Variants in SLCO1B3 observed in about 807,000 individuals in gnomAD.
The protein encoded by SLCO1B3 is liver-specific organic anion transporter 2.
SLCO1B3 carries 72 observed loss-of-function variants against 71.8 expected under a neutral mutation model. The ratio of observed to expected loss-of-function variants is 1.00; its 90% CI spans 0.83 to 1.22. The LOEUF is 1.22. Ranked by LOEUF, SLCO1B3 falls within the 50% of genes most tolerant of loss-of-function variation. SLCO1B3 has a pLI of 0.00. For synonymous variants in SLCO1B3, 298 were observed against 278.4 expected (o/e 1.07, Z -0.70); for missense variants, 911 against 819.7 (o/e 1.11, Z -1.36).
intron 3 of SLCO1B3, among the ~76,000 whole-genome samples, chr12:20,852,890 C>G (rs1366974385): frequency 6.6e-6 from 1 of 151,868 alleles, no homozygotes; most frequent in East Asian, 1.9e-4. Context: ...ATTTCTTTTC[C>G]AATCTGAATG....
intron 8 of SLCO1B3, among the ~76,000 whole-genome samples, chr12:20,870,066 T>C (rs1266025735): frequency 2.6e-5 from 4 of 152,200 alleles, no homozygotes; most frequent in African/African-American, 9.6e-5. Context: ...GCTTTTGATT[T>C]GCATTATTAT....
At chr12:20,883,721 G>A in intron 13 of SLCO1B3, 119 bp downstream of exon 13, 1 of 641,490 alleles carries the variant, frequency 1.6e-6, no homozygotes, top group Non-Finnish European at 2.6e-6. Flanking sequence ...AATTCTTTGA[G>A]AATGCATTTT....
At chr12:20,810,928 C>T (rs1864099842) in intron 1 of SLCO1B3, among the ~76,000 whole-genome samples, 164 bp downstream of exon 1, 1 of 152,024 alleles carries the variant, frequency 6.6e-6, no homozygotes, top group African/African-American at 2.4e-5. Flanking sequence ...TGTAAATATC[C>T]CTTCTAGAAA....
At chr12:20,906,827 T>C (rs976236920) in intron 15 of SLCO1B3, among the ~76,000 whole-genome samples, 2 of 152,148 alleles carry the variant, frequency 1.3e-5, no homozygotes, top group Non-Finnish European at 1.5e-5. Context: ...ACCCAGATTG[T>C]CAACAATCAA....
chr12:20,908,514 ATCT>A (rs146892461), intron 15 of SLCO1B3, among the ~76,000 whole-genome samples: 2,474 of 152,324 alleles, frequency 0.016, 64 homozygotes, highest in African/African-American at 0.056. Flanking sequence ...TGCCCTAAAA[ATCT>A]TCTGTGCTCT....
At chr12:20,854,866 A>G (rs1215779822) in intron 3 of SLCO1B3, among the ~76,000 whole-genome samples, 162 bp from the exon 4 acceptor site, 2 of 152,206 alleles carry the variant, frequency 1.3e-5, no homozygotes, top group Non-Finnish European at 2.9e-5. Context: ...TGATGATAGT[A>G]TTATAGGGCT....
At chr12:20,866,439 A>G (rs778205779) in intron 8 of SLCO1B3, among the ~76,000 whole-genome samples, 5 of 142,522 alleles carry the variant, frequency 3.5e-5, no homozygotes, top group Non-Finnish European at 6.2e-5. Flanking sequence ...TTGCTATCAG[A>G]AAGGCATAAC....
intron 3 of SLCO1B3, among the ~76,000 whole-genome samples, chr12:20,821,088 A>T (rs556869083): frequency 6.6e-6 from 1 of 152,078 alleles, no homozygotes; most frequent in Non-Finnish European, 1.5e-5. Context: ...GAAAAGGAAG[A>T]TTAGAAAGAC....
chr12:20,915,780 G>C (rs905139637), intron 15 of SLCO1B3, among the ~76,000 whole-genome samples: 1 of 152,086 alleles, frequency 6.6e-6, no homozygotes, highest in Admixed American at 6.6e-5. Context: ...CCAAAGGAAG[G>C]CTAGAGACAG....
intron 13 of SLCO1B3, among the ~76,000 whole-genome samples, chr12:20,886,818 A>T (rs1865800445): frequency 6.6e-6 from 1 of 151,900 alleles, no homozygotes; most frequent in East Asian, 1.9e-4. Flanking sequence ...CCATCACCCG[A>T]ATCGTGTACT....
chr12:20,868,806 A>C (rs1046046679), intron 8 of SLCO1B3, among the ~76,000 whole-genome samples: 8 of 152,086 alleles, frequency 5.3e-5, no homozygotes, highest in African/African-American at 1.9e-4. Flanking sequence ...AGTCATCTCC[A>C]ATGATAGGTA....
At chr12:20,851,366 G>A (rs1255437714) in intron 3 of SLCO1B3, among the ~76,000 whole-genome samples, 1 of 152,134 alleles carries the variant, frequency 6.6e-6, no homozygotes. Flanking sequence ...ATTCTGATGA[G>A]CGTGGGGTGA....
At chr12:20,811,684 A>G (rs571748212) in intron 1 of SLCO1B3, among the ~76,000 whole-genome samples, 106 of 152,336 alleles carry the variant, frequency 7.0e-4, no homozygotes, top group Middle Eastern at 6.8e-3. Flanking sequence ...AAGAGTTGCA[A>G]TGCTGCATAC....
intron 3 of SLCO1B3, among the ~76,000 whole-genome samples, chr12:20,818,307 A>G (rs1864229128): frequency 6.6e-6 from 1 of 152,174 alleles, no homozygotes; most frequent in African/African-American, 2.4e-5. Flanking sequence ...GCCTAAAAAA[A>G]TGCTTGACTG....
At position 20,895,997 on chromosome 12, in the gene SLCO1B3, C is replaced by A. The variant is rs183446459; in HGVS notation, c.1683-2439C>A. ...GGGCTTGCACCATGTGAAGGCACAG[C>A]CCAAGCTCTACATTGGTCCCTTTCA... On this transcript the variant is annotated intron_variant, in intron 13 of 15. Coordinates refer to ENST00000381545, the MANE Select transcript of SLCO1B3 (RefSeq NM_019844.4). Among the ~76,000 whole-genome samples, 899 of 152,314 alleles carry A rather than the reference C, an allele frequency of 5.9e-3. 7 individuals carry two copies. The highest frequency in any genetic ancestry group is 9.5e-3 in the Admixed American group (146 of 15,304).
At position 20,862,742 on chromosome 12, in the gene SLCO1B3, T is replaced by C. The variant is rs1865293647; in HGVS notation, c.629-14T>C. 6.3e-7 allele frequency: 1 copy of C among 1,584,514 alleles called. No homozygotes were observed. Among genetic ancestry groups the C allele is most frequent in the East Asian group, 2.2e-5 (1 of 44,652 alleles). On this transcript the variant is annotated splice_polypyrimidine_tract_variant and intron_variant, in intron 7 of 15. Coordinates refer to ENST00000381545, the MANE Select transcript of SLCO1B3 (RefSeq NM_019844.4). ...TTTGTGACATCTGATTAAATTGTTT[T>C]GTAATACTTACAGGTAGTTTGAATG... is the stretch of plus-strand genomic sequence containing the variant.
chr12:20,905,419 G>T (rs1254801878), intron 15 of SLCO1B3, among the ~76,000 whole-genome samples: 1 of 152,144 alleles, frequency 6.6e-6, no homozygotes, highest in Non-Finnish European at 1.5e-5. Flanking sequence ...CTACCACGTG[G>T]CTGGGTTGCA....
rs939137174 is a variant in SLCO1B3, at chr12:20,901,551, G to A, written c.1865+84G>A. On this transcript the variant is annotated intron_variant, in intron 15 of 15. Coordinates refer to ENST00000381545, the MANE Select transcript of SLCO1B3 (RefSeq NM_019844.4). Reference sequence around the variant, plus strand: ...AAGATATAGCATTTTTAGTGTGATCGTAATATTAATGATAGCTACCATTTA... The same window carrying A: ...AAGATATAGCATTTTTAGTGTGATCATAATATTAATGATAGCTACCATTTA... The A allele has an allele frequency of 8.9e-5, 60 of 674,980 alleles. 1 individual carries two copies. Among genetic ancestry groups the A allele is most frequent in the African/African-American group, 2.6e-4 (14 of 54,706 alleles). The allele number at this position is 674,980 out of a possible 1,614,324, so 41.8% of individuals were successfully genotyped here. A position where few individuals can be genotyped will look rare whatever the true frequency, so the allele number is the denominator to read the frequency against.
intron 2 of SLCO1B3, among the ~76,000 whole-genome samples, chr12:20,814,229 G>A (rs952480759): frequency 2.6e-5 from 4 of 152,054 alleles, no homozygotes; most frequent in African/African-American, 7.2e-5. Flanking sequence ...GTCAACTGAC[G>A]TAAAAAGTTG....
Sources: allele counts gnomAD v4.1 joint callset (sites outside exome capture counted in the v4.1 genomes callset), GRCh38; gene constraint gnomAD v4.1.1; transcripts MANE v1.5; gene names NCBI Gene and HGNC (gene_info 2026-07-23, HGNC 2026-07-21).